The following ITSN1 variants were observed in gnomAD, a reference collection of about 807,000 sequenced individuals.
ITSN1 encodes the protein intersectin 1.
ITSN1 carries 58 observed loss-of-function variants against 239.8 expected under a neutral mutation model. That is an observed-to-expected ratio of 0.24 (90% CI 0.20 to 0.30). The LOEUF (loss-of-function observed/expected upper bound fraction) is 0.30. Ranked by LOEUF, ITSN1 falls within the 10% of genes least tolerant of loss-of-function variation. The probability of loss-of-function intolerance (pLI) is 1.00; values close to 1 mark genes in which losing one functional copy is unlikely to be tolerated. For missense variants in ITSN1, 1,558 were observed against 2,103.3 expected (o/e 0.74, Z 5.07); for synonymous variants, 780 against 770.8 (o/e 1.01, Z -0.20).
intron 4 of ITSN1, among the ~76,000 whole-genome samples, chr21:33,727,364 C>T (rs565161103): frequency 1.5e-4 from 22 of 151,704 alleles, no homozygotes; most frequent in African/African-American, 4.8e-4. Flanking sequence ...GAATCTGAGA[C>T]GGAGGGCCAG....
In ITSN1 at chr21:33,797,607, A is replaced by C. The variant is rs1173906976; in HGVS notation, c.2181A>C (p.Ala727=). Residue 727 remains alanine, a splice_region_variant and synonymous_variant, in exon 18 of 40, where the codon GCA becomes GCC. Coordinates refer to ENST00000381318, the MANE Select transcript of ITSN1 (RefSeq NM_003024.3). The surrounding 1 kb of genome is among the most constrained non-coding windows in gnomAD (Gnocchi z 4.9). Reference sequence around the variant, plus strand: ...CTGTCCAGGCACCCTGGTCCACTGCAGGTATTAGAAGCCAAAAATAATTAT... The same window carrying C: ...CTGTCCAGGCACCCTGGTCCACTGCCGGTATTAGAAGCCAAAAATAATTAT... ...KPAVQAPWST[A]EKGPLTISAQ... The C allele has an allele frequency of 3.1e-6, 5 of 1,611,404 alleles. No homozygotes were observed. The highest frequency in any genetic ancestry group is 1.3e-5 in the African/African-American group (1 of 74,652).
chr21:33,819,640 C>G (rs1236952927), intron 24 of ITSN1, among the ~76,000 whole-genome samples: 1 of 152,210 alleles, frequency 6.6e-6, no homozygotes, highest in African/African-American at 2.4e-5. Context: ...ATTGCTTCAC[C>G]TAACATAGTC....
rs1040921310 is a variant in ITSN1 at position 33,773,972 on chromosome 21, G to A, written c.1306-757G>A. 5.3e-5 allele frequency among the ~76,000 whole-genome samples: 8 copies of A among 152,264 alleles called. No homozygotes were observed. The East Asian group carries it at 1.4e-3, about 26-fold the overall frequency. Reference sequence around the variant, plus strand: ...TAGGATTACAAGCGTGAGCCACTGCGCCCGGCCCCGTAACTCCTTTTTGTT... The same window carrying A: ...TAGGATTACAAGCGTGAGCCACTGCACCCGGCCCCGTAACTCCTTTTTGTT... On this transcript the variant is annotated intron_variant, in intron 12 of 39. Coordinates refer to ENST00000381318, the MANE Select transcript of ITSN1 (RefSeq NM_003024.3).
At chr21:33,652,083 C>G (rs577126347) in intron 1 of ITSN1, among the ~76,000 whole-genome samples, 3 of 151,304 alleles carry the variant, frequency 2.0e-5, no homozygotes, top group Non-Finnish European at 2.9e-5. Flanking sequence ...GTGATAATGA[C>G]TGTTAATACC....
At chr21:33,806,935 A>G (rs1297717852) in intron 20 of ITSN1, among the ~76,000 whole-genome samples, 1 of 152,184 alleles carries the variant, frequency 6.6e-6, no homozygotes, top group Non-Finnish European at 1.5e-5. Flanking sequence ...AGTTTTCCAA[A>G]TCCAAGAAGA....
intron 1 of ITSN1, among the ~76,000 whole-genome samples, chr21:33,690,005 C>T (rs2091434615): frequency 6.6e-6 from 1 of 150,572 alleles, no homozygotes; most frequent in African/African-American, 2.4e-5. Context: ...AAAATAAGGC[C>T]GGGTGCAGTG....
rs1480312424 is a variant in ITSN1, at chr21:33,892,698, C to T, written c.*4398C>T. 6.6e-6 allele frequency: 1 copy of T among 152,188 alleles called. No homozygotes were observed. Among genetic ancestry groups the T allele is most frequent in the Non-Finnish European group, 1.5e-5 (1 of 68,048 alleles). The allele number at this position is 152,188 out of a possible 1,614,324, so 9.4% of individuals were successfully genotyped here. A position where few individuals can be genotyped will look rare whatever the true frequency, so the allele number is the denominator to read the frequency against. ...CCCATGACATTGATCTAGCAGCCTCCTGCACGTAGACACTCAGTTCATTTT... is the reference window on the plus strand; with the variant it reads ...CCCATGACATTGATCTAGCAGCCTCTTGCACGTAGACACTCAGTTCATTTT... On this transcript the variant is annotated 3_prime_UTR_variant, in exon 40 of 40. Transcript: ENST00000381318.
intron 16 of ITSN1, among the ~76,000 whole-genome samples, chr21:33,791,526 T>C (rs1203738473): frequency 6.6e-6 from 1 of 152,238 alleles, no homozygotes; most frequent in African/African-American, 2.4e-5. Context: ...AACTGTGTCA[T>C]AGGTAGGTTT....
chr21:33,751,785 A>G, intron 6 of ITSN1, 25 bp from the exon 7 acceptor site: 2 of 1,521,528 alleles, frequency 1.3e-6, no homozygotes, highest in Non-Finnish European at 1.8e-6. Context: ...GTAGAATTAA[A>G]ATTATTCAAC....
intron 34 of ITSN1, among the ~76,000 whole-genome samples, chr21:33,879,021 G>C (rs1188718957): frequency 6.6e-6 from 1 of 152,114 alleles, no homozygotes; most frequent in Non-Finnish European, 1.5e-5. Context: ...TCGGGCCCTG[G>C]AGGTGATGCT....
At chr21:33,851,194 C>T (rs560712411) in intron 29 of ITSN1, among the ~76,000 whole-genome samples, 3 of 152,224 alleles carry the variant, frequency 2.0e-5, no homozygotes, top group Admixed American at 6.5e-5. Context: ...GCAGTGTCTC[C>T]GCGTCGACCT....
At chr21:33,836,336 C>G (rs1285832295) in intron 28 of ITSN1, 105 bp from the exon 29 acceptor site, 1 of 782,562 alleles carries the variant, frequency 1.3e-6, no homozygotes, top group Non-Finnish European at 1.9e-6. Context: ...TCACCCTCTT[C>G]TGAAAGGACA....
At chr21:33,777,765 T>C (rs1458242271) in intron 14 of ITSN1, among the ~76,000 whole-genome samples, 1 of 152,220 alleles carries the variant, frequency 6.6e-6, no homozygotes, top group Non-Finnish European at 1.5e-5. Context: ...TTTTGTATAT[T>C]GACCTTATAT....
At chr21:33,721,694 T>TGA (rs2065493406) in intron 3 of ITSN1, among the ~76,000 whole-genome samples, 1 of 151,146 alleles carries the variant, frequency 6.6e-6, no homozygotes, top group Non-Finnish European at 1.5e-5. Flanking sequence ...ACTTGGAGGC[T>TGA]GAGGCAGGAG....
intron 1 of ITSN1, among the ~76,000 whole-genome samples, chr21:33,681,398 T>G (rs1013772710): frequency 5.3e-5 from 8 of 152,032 alleles, no homozygotes; most frequent in African/African-American, 1.9e-4. Context: ...GATAGCTGAT[T>G]AATAAATGTT....
intron 34 of ITSN1, among the ~76,000 whole-genome samples, chr21:33,881,959 A>AG (rs904695866): frequency 9.2e-5 from 14 of 151,714 alleles, no homozygotes; most frequent in East Asian, 1.9e-4. Flanking sequence ...AAAAAAAAAA[A>AG]AAAAGAAAAG....
At chr21:33,756,030 G>T (rs749228005) in intron 8 of ITSN1, among the ~76,000 whole-genome samples, 1 of 152,158 alleles carries the variant, frequency 6.6e-6, no homozygotes, top group African/African-American at 2.4e-5. Context: ...AAGGCTGGGT[G>T]CAGTGGCTCA....
At chr21:33,863,556 T>G (rs1981029606) in intron 31 of ITSN1, among the ~76,000 whole-genome samples, 1 of 152,114 alleles carries the variant, frequency 6.6e-6, no homozygotes, top group Non-Finnish European at 1.5e-5. Context: ...CTCGGGAGAC[T>G]GAGGTGGAGG....
Position 33,865,350 on chromosome 21 carries a change from G to A in ITSN1, c.4074+16G>A. The stretch of plus-strand genomic sequence containing the variant: ...GTTCGTCAAAGTAAGGAGCCAGGCT[G>A]TGCAGAGACTGGGCCCCAGAGTGGC... On this transcript the variant is annotated intron_variant, in intron 32 of 39. Transcript: ENST00000381318. This position sits in a 1 kb window ranked among gnomAD's most constrained non-coding sequence, Gnocchi z 4.4. The A allele has an allele frequency of 3.3e-6, 5 of 1,517,430 alleles. No individual in the cohort carries two copies. Among genetic ancestry groups the A allele is most frequent in the East Asian group, 2.4e-5 (1 of 41,648 alleles). The allele number at this position is 1,517,430 out of a possible 1,614,324, so 94.0% of individuals were successfully genotyped here. A position where few individuals can be genotyped will look rare whatever the true frequency, so the allele number is the denominator to read the frequency against.
Sources: allele counts gnomAD v4.1 joint callset (sites outside exome capture counted in the v4.1 genomes callset), GRCh38; gene constraint gnomAD v4.1.1; non-coding constraint Gnocchi (gnomAD v3.1); transcripts MANE v1.5; gene names NCBI Gene and HGNC (gene_info 2026-07-23, HGNC 2026-07-21).